Variants in PFKFB3 observed in about 807,000 individuals in gnomAD.
PFKFB3 encodes the protein 6-phosphofructo-2-kinase/fructose-2,6-bisphosphatase 3.
PFKFB3 carries 33 observed loss-of-function variants against 68.0 expected under a neutral mutation model. That is an observed-to-expected ratio of 0.49 (90% CI 0.37 to 0.65). The LOEUF (loss-of-function observed/expected upper bound fraction) is 0.65, where lower values mean the gene tolerates loss of function less well. Among genes scored for constraint, PFKFB3 ranks in the 30% least tolerant of loss-of-function variants. The pLI, the probability that PFKFB3 is intolerant of heterozygous loss-of-function variation, is 0.00. For synonymous variants in PFKFB3, 315 were observed against 288.2 expected (o/e 1.09, Z -0.94); for missense variants, 586 against 712.2 (o/e 0.82, Z 2.02).
At chr10:6,181,320 C>T (rs76579416) in intron 1 of PFKFB3, among the ~76,000 whole-genome samples, 1,801 of 141,766 alleles carry the variant, frequency 0.013, 61 homozygotes, top group East Asian at 0.1. Context: ...ACGCAGCCCA[C>T]GCCCATGTTT....
chr10:6,288,743 GGTATTTCTA>G, the PFKFB3 span, among the ~76,000 whole-genome samples: 1 of 151,700 alleles, frequency 6.6e-6, no homozygotes, highest in Non-Finnish European at 1.5e-5. Flanking sequence ...TGGGTCAAAT[GGTATTTCTA>G]GTTCTAGATC....
chr10:6,185,324 A>C (rs1842839383), intron 1 of PFKFB3, among the ~76,000 whole-genome samples: 1 of 152,220 alleles, frequency 6.6e-6, no homozygotes, highest in Non-Finnish European at 1.5e-5. Flanking sequence ...GGTTCCACTC[A>C]TCCGCTTACT....
the PFKFB3 span, among the ~76,000 whole-genome samples, chr10:6,280,320 C>T: frequency 3.9e-5 from 6 of 152,228 alleles, no homozygotes; most frequent in Non-Finnish European, 7.3e-5. Context: ...GGGCGGATAG[C>T]GCCTTGATGG....
chr10:6,145,074 T>A (rs1588368759), intron 1 of PFKFB3: 1 of 1,256,532 alleles, frequency 8.0e-7, no homozygotes. Flanking sequence ...AGCGGCCGCC[T>A]GTGGGTACCC....
At chr10:6,262,226 G>A in the PFKFB3 span, among the ~76,000 whole-genome samples, 6 of 151,608 alleles carry the variant, frequency 4.0e-5, no homozygotes, top group Non-Finnish European at 7.4e-5. Context: ...AGGCTGAGGC[G>A]GGCGGATCAC....
At chr10:6,256,099 C>G (rs932311791), downstream of PFKFB3, among the ~76,000 whole-genome samples, 1 of 152,194 alleles carries the variant, frequency 6.6e-6, no homozygotes, top group Non-Finnish European at 1.5e-5. Flanking sequence ...GCCCCCGGCC[C>G]CATCACAGTC....
chr10:6,264,339 C>T, the PFKFB3 span, among the ~76,000 whole-genome samples: 1 of 151,748 alleles, frequency 6.6e-6, no homozygotes, highest in East Asian at 1.9e-4. Context: ...GTTGGATTTC[C>T]ATTTGATTCT....
chr10:6,262,596 T>C, the PFKFB3 span, among the ~76,000 whole-genome samples: 1 of 152,202 alleles, frequency 6.6e-6, no homozygotes, highest in African/African-American at 2.4e-5. Context: ...AGGATATTTG[T>C]GTGTGTTATT....
Position 6,228,453 on chromosome 10 carries a change from G to A in PFKFB3, c.1515+2088G>A, listed in dbSNP as rs1402737669. Among the ~76,000 whole-genome samples, 2 of 152,042 alleles carry A rather than the reference G, an allele frequency of 1.3e-5. No individual in the cohort carries two copies. The highest frequency in any genetic ancestry group is 2.9e-5 in the Non-Finnish European group (2 of 68,014). On this transcript the variant is annotated intron_variant, in intron 14 of 14. Coordinates refer to ENST00000379775, the MANE Select transcript of PFKFB3 (RefSeq NM_004566.4). The surrounding 1 kb of genome is among the most constrained non-coding windows in gnomAD (Gnocchi z 4.5). ...CTGTTGGGTGTGTTCCGACACCGCC[G>A]CACGACCGCTGGCTTCTCCCCTACC...
chr10:6,320,025 C>T, the PFKFB3 span, among the ~76,000 whole-genome samples: 1 of 151,980 alleles, frequency 6.6e-6, no homozygotes, highest in African/African-American at 2.4e-5. Context: ...ATGGTAAAAC[C>T]CTGTCTCCAC....
chr10:6,187,305 G>T (rs1344129867), intron 1 of PFKFB3, among the ~76,000 whole-genome samples: 1 of 152,084 alleles, frequency 6.6e-6, no homozygotes, highest in Non-Finnish European at 1.5e-5. Context: ...GGGTTGCAGT[G>T]AGCTGAGATT....
rs538821983 is a variant in PFKFB3 at position 6,210,518 on chromosome 10, G to A, written c.77-3105G>A. 6.3e-4 allele frequency among the ~76,000 whole-genome samples: 71 copies of A among 113,448 alleles called. 20 individuals carry two copies. The South Asian group carries it at 0.023, about 36-fold the overall frequency. 74.4% of individuals were successfully genotyped at this position (113,448 alleles called of 152,430 possible). A position where few individuals can be genotyped will look rare whatever the true frequency, so the allele number is the denominator to read the frequency against. ...TGGGACTACAGGCGCCCGCCAACATGGCCGGCTAATTTTTTGTGTTTTTAA... is the reference window on the plus strand; with the variant it reads ...TGGGACTACAGGCGCCCGCCAACATAGCCGGCTAATTTTTTGTGTTTTTAA... On this transcript the variant is annotated intron_variant, in intron 1 of 14. Transcript: ENST00000379775.
intron 6 of PFKFB3, among the ~76,000 whole-genome samples, chr10:6,217,611 C>T (rs1443055754): frequency 2.0e-5 from 3 of 152,106 alleles, no homozygotes; most frequent in African/African-American, 4.8e-5. Flanking sequence ...GTCCATAGGG[C>T]TCAGCAGCCT....
At chr10:6,279,719 G>C in the PFKFB3 span, among the ~76,000 whole-genome samples, 1 of 152,148 alleles carries the variant, frequency 6.6e-6, no homozygotes, top group Non-Finnish European at 1.5e-5. Flanking sequence ...ACTAGCTCCG[G>C]GGACACCAGG....
intron 1 of PFKFB3, among the ~76,000 whole-genome samples, chr10:6,181,544 G>T (rs899834352): frequency 2.6e-5 from 4 of 152,228 alleles, no homozygotes; most frequent in Non-Finnish European, 5.9e-5. Flanking sequence ...TACTGGCTGG[G>T]TGCAGTGGCT....
At position 6,206,806 on chromosome 10, in the gene PFKFB3, C is replaced by T. The variant is rs866985659; in HGVS notation, c.76+3470C>T. ...GGGTCCTCACATCCCAGACGATGGG[C>T]GGCCGGGCAGAGACGCTCCTCACTT... is the stretch of plus-strand genomic sequence containing the variant. On this transcript the variant is annotated intron_variant, in intron 1 of 14. Coordinates refer to ENST00000379775, the MANE Select transcript of PFKFB3 (RefSeq NM_004566.4). Among the ~76,000 whole-genome samples, 261 of 39,688 alleles carry T rather than the reference C, an allele frequency of 6.6e-3. 2 individuals are homozygous for T. Among genetic ancestry groups the T allele is most frequent in the African/African-American group, 0.015 (158 of 10,432 alleles). 26.0% of individuals were successfully genotyped at this position (39,688 alleles called of 152,430 possible). A position where few individuals can be genotyped will look rare whatever the true frequency, so the allele number is the denominator to read the frequency against.
intron 1 of PFKFB3, among the ~76,000 whole-genome samples, chr10:6,177,438 C>CTTTTCTTTCTT (rs1554842946): frequency 2.3e-5 from 2 of 86,628 alleles, no homozygotes; most frequent in Admixed American, 1.5e-4. Context: ...TCTTTTCTTT[C>CTTTTCTTTCTT]TCTTTCTTTC....
chr10:6,207,086 C>T (rs1439065990), intron 1 of PFKFB3, among the ~76,000 whole-genome samples: 10 of 152,262 alleles, frequency 6.6e-5, no homozygotes, highest in Non-Finnish European at 1.5e-4. Flanking sequence ...CCAAGGCAGG[C>T]GGCTGGGAGG....
intron 1 of PFKFB3, among the ~76,000 whole-genome samples, chr10:6,177,484 CTTTTTCT>C (rs1423651434): frequency 5.5e-5 from 6 of 109,522 alleles, no homozygotes; most frequent in Admixed American, 9.7e-5. Context: ...TTCTTTCTTT[CTTTTTCT>C]TTTCTTTCTC....
Sources: allele counts gnomAD v4.1 joint callset (sites outside exome capture counted in the v4.1 genomes callset), GRCh38; gene constraint gnomAD v4.1.1; non-coding constraint Gnocchi (gnomAD v3.1); transcripts MANE v1.5; gene names NCBI Gene and HGNC (gene_info 2026-07-23, HGNC 2026-07-21).